Variants in FSTL4 observed in about 807,000 individuals in gnomAD.
The protein encoded by FSTL4 is follistatin-related protein 4.
In FSTL4, 28 loss-of-function variants were observed where a neutral mutation model predicts 78.2. The ratio of observed to expected loss-of-function variants is 0.36; its 90% CI spans 0.27 to 0.49. The LOEUF (loss-of-function observed/expected upper bound fraction) is 0.49. Ranked by LOEUF, FSTL4 falls within the 20% of genes least tolerant of loss-of-function variation. FSTL4 has a pLI of 0.98. For synonymous variants in FSTL4, 422 were observed against 440.5 expected (o/e 0.96, Z 0.53); for missense variants, 922 against 1,084.9 (o/e 0.85, Z 2.11).
chr5:133,526,677 G>T (rs1759107471), intron 3 of FSTL4, among the ~76,000 whole-genome samples: 1 of 152,164 alleles, frequency 6.6e-6, no homozygotes, highest in South Asian at 2.1e-4. Flanking sequence ...GTGGCGCTAT[G>T]CAGGCAGGGT....
At chr5:133,237,376 C>G (rs897183394) in intron 7 of FSTL4, among the ~76,000 whole-genome samples, 2 of 152,192 alleles carry the variant, frequency 1.3e-5, no homozygotes, top group Non-Finnish European at 2.9e-5. Context: ...TTTAACCTCA[C>G]TGTCTGTTTC....
intron 3 of FSTL4, among the ~76,000 whole-genome samples, chr5:133,406,146 C>T (rs1756358250): frequency 6.6e-6 from 1 of 152,202 alleles, no homozygotes; most frequent in Non-Finnish European, 1.5e-5. Flanking sequence ...AGGGAAGCCT[C>T]TTTGAGGAGG....
intron 3 of FSTL4, among the ~76,000 whole-genome samples, chr5:133,530,263 A>G (rs1337061952): frequency 6.6e-6 from 1 of 152,190 alleles, no homozygotes; most frequent in African/African-American, 2.4e-5. Context: ...CTGCAGCATG[A>G]GCCAAGAGCA....
intron 3 of FSTL4, among the ~76,000 whole-genome samples, chr5:133,404,128 T>C (rs1051426999): frequency 1.3e-5 from 2 of 152,236 alleles, no homozygotes; most frequent in African/African-American, 4.8e-5. Context: ...AAAAGTAGCA[T>C]GAAGGCCCTG....
intron 6 of FSTL4, among the ~76,000 whole-genome samples, chr5:133,284,080 A>G (rs1753071856): frequency 6.6e-6 from 1 of 152,232 alleles, no homozygotes; most frequent in African/African-American, 2.4e-5. Context: ...TTACAATTCA[A>G]CATGAGATTT....
intron 6 of FSTL4, among the ~76,000 whole-genome samples, chr5:133,251,381 T>G (rs904800106): frequency 1.1e-4 from 17 of 152,206 alleles, no homozygotes; most frequent in Non-Finnish European, 1.9e-4. Context: ...GGCAACCGCA[T>G]GTGTCTGGGC....
chr5:133,250,661 G>A (rs80073294), intron 6 of FSTL4, among the ~76,000 whole-genome samples: 5,290 of 152,348 alleles, frequency 0.035, 266 homozygotes, highest in African/African-American at 0.11. Flanking sequence ...CCCGCAGGCA[G>A]CACATCTGTG....
chr5:133,684,555 T>C, the FSTL4 span, among the ~76,000 whole-genome samples: 2 of 152,350 alleles, frequency 1.3e-5, no homozygotes, highest in South Asian at 4.1e-4. Context: ...CATTGAGGCC[T>C]TTCTTTAATG....
At chr5:133,824,709 T>C in the FSTL4 span, among the ~76,000 whole-genome samples, 1 of 152,144 alleles carries the variant, frequency 6.6e-6, no homozygotes, top group Non-Finnish European at 1.5e-5. Context: ...AGACCCCTGT[T>C]GCCAAAGCAA....
intron 14 of FSTL4, among the ~76,000 whole-genome samples, chr5:133,203,854 C>T (rs754532553): frequency 6.6e-5 from 10 of 152,222 alleles, no homozygotes; most frequent in Non-Finnish European, 8.8e-5. Flanking sequence ...TTCATCAAAA[C>T]GCAGTGCCAT....
At chr5:133,561,104 A>G (rs1247747830) in intron 3 of FSTL4, among the ~76,000 whole-genome samples, 1 of 144,988 alleles carries the variant, frequency 6.9e-6, no homozygotes, top group Non-Finnish European at 1.5e-5. Flanking sequence ...AATAATAATA[A>G]TAATAATAAT....
the FSTL4 span, among the ~76,000 whole-genome samples, chr5:133,625,475 G>T: frequency 2.7e-5 from 4 of 150,820 alleles, no homozygotes; most frequent in African/African-American, 9.7e-5. Flanking sequence ...TTTAATTCCT[G>T]GTATTGGTAA....
At chr5:133,817,134 T>A in the FSTL4 span, among the ~76,000 whole-genome samples, 3 of 152,274 alleles carry the variant, frequency 2.0e-5, no homozygotes, top group Non-Finnish European at 4.4e-5. Context: ...CCCGCTGTGT[T>A]AAGCTTTTCA....
intron 3 of FSTL4, among the ~76,000 whole-genome samples, chr5:133,422,500 G>A (rs1756719972): frequency 1.3e-5 from 2 of 152,016 alleles, no homozygotes. Context: ...GAACAATGAG[G>A]AGGATGCTGT....
chr5:133,606,907 G>A (rs1037757156), intron 1 of FSTL4, among the ~76,000 whole-genome samples: 3 of 152,184 alleles, frequency 2.0e-5, no homozygotes, highest in South Asian at 2.1e-4. Flanking sequence ...TTTGGCAAGC[G>A]CCAAATCAGT....
Position 133,603,972 on chromosome 5 carries a change from T to C in FSTL4, c.12A>G (p.Gly4=). The C allele has an allele frequency of 6.2e-7, 1 of 1,612,624 alleles. No individual in the cohort carries two copies. Among genetic ancestry groups the C allele is most frequent in the Non-Finnish European group, 8.5e-7 (1 of 1,178,662 alleles). Residue 4 remains glycine (G), a synonymous_variant, in exon 2 of 16, where the codon GGA becomes GGG. Coordinates refer to ENST00000265342, the MANE Select transcript of FSTL4 (RefSeq NM_015082.2). MKP[G]GFWLHLTLLG... ...GCAGTGTGAGATGCAGCCAAAAGCCTCCTGGTTTCATTTTGATGAGTCTGT... is the reference window on the plus strand; with the variant it reads ...GCAGTGTGAGATGCAGCCAAAAGCCCCCTGGTTTCATTTTGATGAGTCTGT...
intron 3 of FSTL4, among the ~76,000 whole-genome samples, chr5:133,561,005 C>T (rs990198699): frequency 6.6e-6 from 1 of 151,224 alleles, no homozygotes; most frequent in Non-Finnish European, 1.5e-5. Flanking sequence ...AGGAGAATGG[C>T]GTGAACCCGT....
the FSTL4 span, among the ~76,000 whole-genome samples, chr5:133,829,701 A>G: frequency 9.3e-4 from 142 of 152,332 alleles, no homozygotes; most frequent in Non-Finnish European, 1.9e-3. Flanking sequence ...GTCCCAGCCC[A>G]GGGAGAGATA....
rs901247978 is a variant in FSTL4, at chr5:133,349,358, T to C, written c.410-32706A>G. 4.6e-5 allele frequency among the ~76,000 whole-genome samples: 7 copies of C among 151,678 alleles called. No individual in the cohort carries two copies. The South Asian group carries it at 1.0e-3, about 23-fold the overall frequency. On this transcript the variant is annotated intron_variant, in intron 4 of 15. Coordinates refer to ENST00000265342, the MANE Select transcript of FSTL4 (RefSeq NM_015082.2). ...GTGTTTCTCCATGTGTCCTCTTCCC[T>C]GTAGCCCCATCTCTCTGAGGAGCTT...
Sources: allele counts gnomAD v4.1 joint callset (sites outside exome capture counted in the v4.1 genomes callset), GRCh38; gene constraint gnomAD v4.1.1; transcripts MANE v1.5; gene names NCBI Gene and HGNC (gene_info 2026-07-23, HGNC 2026-07-21).